TTC6: variants seen among roughly 807,000 people sequenced by gnomAD.
The protein encoded by TTC6 is tetratricopeptide repeat domain 6.
Under a neutral mutation model 210.4 loss-of-function variants are expected in TTC6, and 172 were observed. The observed-to-expected ratio is 0.82, with a 90% CI of 0.72 to 0.93. TTC6 has a LOEUF of 0.93. Ranked by LOEUF, TTC6 falls within the 40% of genes least tolerant of loss-of-function variation. TTC6 has a pLI of 0.00. For missense variants in TTC6, 2,414 were observed against 2,318.1 expected, an observed-to-expected ratio of 1.04 and a Z score of -0.85; for synonymous variants, 804 against 819.6, an observed-to-expected ratio of 0.98 and a Z score of 0.32.
At chr14:37,820,276 C>T (rs1277553629) in intron 26 of TTC6, among the ~76,000 whole-genome samples, 5 of 152,308 alleles carry the variant, frequency 3.3e-5, no homozygotes, top group South Asian at 2.1e-4. Flanking sequence ...TAGTCACTAT[C>T]GGCTTTGAGG....
At chr14:37,838,454 G>T (rs1438649358) in intron 29 of TTC6, among the ~76,000 whole-genome samples, 1 of 152,172 alleles carries the variant, frequency 6.6e-6, no homozygotes, top group Non-Finnish European at 1.5e-5. Flanking sequence ...AGACTAACTT[G>T]AGGGTCCCTT....
chr14:37,609,072 A>T (rs972968737), intron 2 of TTC6, among the ~76,000 whole-genome samples: 1 of 152,066 alleles, frequency 6.6e-6, no homozygotes, highest in Non-Finnish European at 1.5e-5. Flanking sequence ...TAAATCAATA[A>T]CTAACTCCTC....
chr14:37,823,592 T>A (rs1177164818), intron 26 of TTC6, among the ~76,000 whole-genome samples, 155 bp from the exon 29 acceptor site: 1 of 152,180 alleles, frequency 6.6e-6, no homozygotes, highest in African/African-American at 2.4e-5. Context: ...CATATGGACT[T>A]ATGTGCCTAC....
At chr14:37,725,345 T>A (rs1213567056) in intron 7 of TTC6, among the ~76,000 whole-genome samples, 3 of 121,036 alleles carry the variant, frequency 2.5e-5, no homozygotes, top group African/African-American at 9.3e-5. Context: ...TATATATATA[T>A]ATATATATAT....
intron 5 of TTC6, among the ~76,000 whole-genome samples, chr14:37,706,504 G>A (rs1281876810): frequency 6.6e-6 from 1 of 152,060 alleles, no homozygotes; most frequent in Non-Finnish European, 1.5e-5. Flanking sequence ...GCACAAGGAT[G>A]TTCATCATAT....
intron 5 of TTC6, among the ~76,000 whole-genome samples, chr14:37,706,463 A>G (rs1413943817): frequency 2.0e-5 from 3 of 152,092 alleles, no homozygotes; most frequent in Non-Finnish European, 4.4e-5. Flanking sequence ...TGCCATTTAT[A>G]TGCTGATGAC....
intron 3 of TTC6, among the ~76,000 whole-genome samples, chr14:37,687,406 A>T (rs2095796037): frequency 6.6e-6 from 1 of 152,154 alleles, no homozygotes; most frequent in Non-Finnish European, 1.5e-5. Context: ...AATATAGGCC[A>T]CAAGTACTGC....
exon 1 of TTC6, chr14:37,622,727 G>A (rs899478439): frequency 2.0e-6 from 3 of 1,535,034 alleles, no homozygotes; most frequent in Middle Eastern, 1.8e-4. Flanking sequence ...GCAGCGGGCG[G>A]AGGAAAGTGA....
intron 14 of TTC6, among the ~76,000 whole-genome samples, chr14:37,775,433 T>A (rs970750894): frequency 1.3e-5 from 2 of 152,198 alleles, no homozygotes; most frequent in African/African-American, 4.8e-5. Flanking sequence ...TGTATCTCTG[T>A]TTCCATTAGT....
At chr14:37,721,707 T>C (rs573264898) in intron 6 of TTC6, among the ~76,000 whole-genome samples, 1 of 151,802 alleles carries the variant, frequency 6.6e-6, no homozygotes, top group Non-Finnish European at 1.5e-5. Flanking sequence ...CACGGATATA[T>C]TTTGTTTGTA....
chr14:37,684,651 A>G (rs2095790489), intron 3 of TTC6, among the ~76,000 whole-genome samples: 1 of 152,186 alleles, frequency 6.6e-6, no homozygotes, highest in Admixed American at 6.6e-5. Context: ...AATAGCACTG[A>G]ACTATTCCCA....
intron 14 of TTC6, among the ~76,000 whole-genome samples, chr14:37,778,870 G>T (rs774222754): frequency 5.9e-5 from 9 of 152,134 alleles, no homozygotes; most frequent in Non-Finnish European, 1.0e-4. Context: ...GGGCAAGGTT[G>T]CCCTGCTTTA....
intron 14 of TTC6, among the ~76,000 whole-genome samples, chr14:37,786,938 C>T (rs4901272): frequency 0.68 from 102,630 of 152,032 alleles, 36,380 homozygotes; most frequent in Non-Finnish European, 0.78. Flanking sequence ...AAATTGGAGT[C>T]AGAAGTTAAT....
chr14:37,765,579 G>T (rs1481251273), intron 14 of TTC6, among the ~76,000 whole-genome samples: 1 of 152,048 alleles, frequency 6.6e-6, no homozygotes, highest in Non-Finnish European at 1.5e-5. Flanking sequence ...AGAGTAATTA[G>T]AAACCAAAAG....
intron 7 of TTC6, among the ~76,000 whole-genome samples, chr14:37,728,426 A>C (rs796196022): frequency 1.9e-3 from 280 of 148,736 alleles, no homozygotes; most frequent in African/African-American, 5.2e-3. Context: ...CCAAAAAAAA[A>C]AAAAAAAAAA....
At chr14:37,642,873 C>T (rs942781959) in intron 1 of TTC6, among the ~76,000 whole-genome samples, 1 of 152,186 alleles carries the variant, frequency 6.6e-6, no homozygotes, top group African/African-American at 2.4e-5. Flanking sequence ...TGTATCTAAA[C>T]AGTGTAACTA....
At chr14:37,766,955 CCA>C (rs869191729) in intron 14 of TTC6, among the ~76,000 whole-genome samples, 2 of 127,286 alleles carry the variant, frequency 1.6e-5, no homozygotes, top group South Asian at 5.2e-4. Flanking sequence ...TCTCCCCTCC[CCA>C]CATCCCACAG....
intron 14 of TTC6, among the ~76,000 whole-genome samples, chr14:37,785,590 T>G (rs75563991): frequency 6.6e-6 from 1 of 152,180 alleles, no homozygotes; most frequent in East Asian, 1.9e-4. Context: ...GAGAAGTTTG[T>G]TTTTACCGAT....
intron 1 of TTC6, among the ~76,000 whole-genome samples, chr14:37,642,296 A>ACTTGGGCTGAGAC (rs2095693373): frequency 6.6e-6 from 1 of 152,130 alleles, no homozygotes; most frequent in African/African-American, 2.4e-5. Context: ...GTGGAATGAG[A>ACTTGGGCTGAGAC]CTTGGGCTGA....
Sources: gnomAD v4.1 joint callset for allele counts (sites outside exome capture counted in the v4.1 genomes callset) on GRCh38, gnomAD v4.1.1 for gene constraint, MANE v1.5 for transcripts, NCBI Gene and HGNC (gene_info 2026-07-23, HGNC 2026-07-21) for gene names.